Variants in NPSR1 observed in about 807,000 individuals in gnomAD.
NPSR1 encodes the protein neuropeptide S receptor.
NPSR1 carries 48 observed loss-of-function variants against 46.9 expected under a neutral mutation model. That is an observed-to-expected ratio of 1.02 (90% confidence interval 0.81 to 1.30). NPSR1 has a LOEUF of 1.30. Among genes scored for constraint, NPSR1 ranks in the 50% most tolerant of loss-of-function variants. The pLI is 0.00. For missense variants in NPSR1, 450 were observed against 449.5 expected, an observed-to-expected ratio of 1.00 and a Z score of -0.01; for synonymous variants, 176 against 168.1, an observed-to-expected ratio of 1.05 and a Z score of -0.36.
chr7:34,804,101 C>G (rs1470537363), intron 3 of NPSR1, among the ~76,000 whole-genome samples: 1 of 152,008 alleles, frequency 6.6e-6, no homozygotes, highest in Non-Finnish European at 1.5e-5. Flanking sequence ...TATCTGCAGT[C>G]TTCTCTAGAA....
At chr7:34,686,406 C>T (rs1327229995) in intron 2 of NPSR1, among the ~76,000 whole-genome samples, 1 of 152,100 alleles carries the variant, frequency 6.6e-6, no homozygotes, top group Non-Finnish European at 1.5e-5. Context: ...CCTTCATACA[C>T]ATTTTAGCAT....
intron 8 of NPSR1, among the ~76,000 whole-genome samples, chr7:34,857,102 T>C (rs1397347359): frequency 1.3e-5 from 2 of 151,774 alleles, no homozygotes; most frequent in Admixed American, 6.6e-5. Context: ...TATGGAGAAA[T>C]TATAATACTA....
chr7:34,666,985 T>C (rs1184300659), intron 1 of NPSR1, among the ~76,000 whole-genome samples: 1 of 152,244 alleles, frequency 6.6e-6, no homozygotes, highest in Non-Finnish European at 1.5e-5. Context: ...ACAATGCCAT[T>C]CACTTATGTA....
chr7:34,667,920 AC>A (rs1791835385), intron 1 of NPSR1, among the ~76,000 whole-genome samples: 1 of 152,092 alleles, frequency 6.6e-6, no homozygotes, highest in African/African-American at 2.4e-5. Flanking sequence ...AGCAAAAAAA[AC>A]CATTCTAAGT....
At chr7:34,746,155 G>A (rs1396230176) in intron 2 of NPSR1, among the ~76,000 whole-genome samples, 2 of 152,030 alleles carry the variant, frequency 1.3e-5, no homozygotes, top group Non-Finnish European at 2.9e-5. Context: ...TGGAAAAATT[G>A]AGAAAATGAA....
chr7:34,789,676 C>A (rs112598098), intron 3 of NPSR1, among the ~76,000 whole-genome samples: 4 of 143,764 alleles, frequency 2.8e-5, no homozygotes, highest in African/African-American at 1.1e-4. Flanking sequence ...CCCTGTAATC[C>A]CAACTACTCA....
At position 34,750,416 on chromosome 7, in the gene NPSR1, T is replaced by C. The variant is rs151066280; in HGVS notation, c.281-28046T>C. On this transcript the variant is annotated intron_variant, in intron 2 of 8. Transcript: ENST00000360581. Reference sequence around the variant, plus strand: ...TCGCTGCTGGGTGTTCGGATGCCGATGGGTAGTACGACGGGGCTCTGGTGT... The same window carrying C: ...TCGCTGCTGGGTGTTCGGATGCCGACGGGTAGTACGACGGGGCTCTGGTGT... The C allele has an allele frequency of 4.2e-5, 31 of 745,168 alleles. No homozygotes were observed. The African/African-American group carries it at 4.5e-4, about 11-fold the overall frequency. The allele number at this position is 745,168 out of a possible 1,614,324, so 46.2% of individuals were successfully genotyped here. A position where few individuals can be genotyped will look rare whatever the true frequency, so the allele number is the denominator to read the frequency against.
chr7:34,753,366 G>A (rs1246809041), intron 2 of NPSR1: 1 of 152,200 alleles, frequency 6.6e-6, no homozygotes, highest in East Asian at 1.9e-4. Context: ...TCACCAAGAA[G>A]TTGAATGCTA....
chr7:34,854,659 T>A (rs554065450), downstream of NPSR1, among the ~76,000 whole-genome samples: 3 of 152,346 alleles, frequency 2.0e-5, no homozygotes, highest in South Asian at 6.2e-4. Context: ...CCTCAAAATA[T>A]ATACTTTTAA....
intron 3 of NPSR1, among the ~76,000 whole-genome samples, chr7:34,797,365 T>A (rs1291102406): frequency 6.6e-6 from 1 of 152,210 alleles, no homozygotes; most frequent in Non-Finnish European, 1.5e-5. Context: ...GTTCATCCAC[T>A]GTAACAAATA....
Position 34,715,840 on chromosome 7 carries a change from GGA to G in NPSR1, c.280+31158_280+31159del, listed in dbSNP as rs753858973. On this transcript the variant is annotated intron_variant, in intron 2 of 8. Coordinates refer to ENST00000360581, the MANE Select transcript of NPSR1 (RefSeq NM_207172.2). ...TACCATATGGGAGGGCGATCCATGA[GGA>G]GCAGCACCTGGGTGGTGAATAGCAC... is the stretch of plus-strand genomic sequence containing the variant. 1.6e-3 allele frequency among the ~76,000 whole-genome samples: 238 copies of G among 152,336 alleles called. 2 individuals are homozygous for G. The highest frequency in any genetic ancestry group is 2.4e-3 in the Non-Finnish European group (162 of 68,036).
intron 2 of NPSR1, among the ~76,000 whole-genome samples, chr7:34,718,054 T>C (rs2128705960): frequency 6.6e-6 from 1 of 152,330 alleles, no homozygotes; most frequent in South Asian, 2.1e-4. Context: ...TAGTTTACAC[T>C]CTTAAAAATA....
At chr7:34,796,028 C>A (rs527870943) in intron 3 of NPSR1, among the ~76,000 whole-genome samples, 1 of 152,140 alleles carries the variant, frequency 6.6e-6, no homozygotes, top group East Asian at 1.9e-4. Context: ...GTAATTAAGA[C>A]AGTGTGCTAT....
chr7:34,725,707 G>A (rs1211753893), intron 2 of NPSR1, among the ~76,000 whole-genome samples: 4 of 152,178 alleles, frequency 2.6e-5, no homozygotes, highest in Admixed American at 2.0e-4. Flanking sequence ...AGAATGAGAA[G>A]ACAAGCCACA....
chr7:34,679,502 G>A (rs967061091), intron 1 of NPSR1, among the ~76,000 whole-genome samples: 1 of 151,578 alleles, frequency 6.6e-6, no homozygotes, highest in South Asian at 2.1e-4. Flanking sequence ...CTTATCATCC[G>A]AGTGTTTTGA....
At chr7:34,822,967 T>G (rs1001632380) in intron 4 of NPSR1, among the ~76,000 whole-genome samples, 7 of 152,158 alleles carry the variant, frequency 4.6e-5, no homozygotes, top group Non-Finnish European at 7.3e-5. Flanking sequence ...AGCAAAATTA[T>G]AAATGGAAAA....
At chr7:34,783,581 AT>A (rs1171039070) in intron 3 of NPSR1, among the ~76,000 whole-genome samples, 2 of 152,174 alleles carry the variant, frequency 1.3e-5, no homozygotes, top group African/African-American at 2.4e-5. Context: ...GACAAAAAAA[AT>A]ATAGATTATT....
intron 4 of NPSR1, among the ~76,000 whole-genome samples, chr7:34,824,662 C>T (rs1789736381): frequency 6.6e-6 from 1 of 152,208 alleles, no homozygotes; most frequent in African/African-American, 2.4e-5. Flanking sequence ...ACTCTCTTCC[C>T]TGTCCATCCC....
chr7:34,751,913 C>T (rs1785556686), intron 2 of NPSR1: 3 of 1,442,068 alleles, frequency 2.1e-6, no homozygotes, highest in Non-Finnish European at 2.9e-6. Context: ...CCCGCAGTCA[C>T]TCAAACAACT....
Sources: allele counts gnomAD v4.1 joint callset (sites outside exome capture counted in the v4.1 genomes callset), GRCh38; gene constraint gnomAD v4.1.1; transcripts MANE v1.5; gene names NCBI Gene and HGNC (gene_info 2026-07-23, HGNC 2026-07-21).